The following MAML1 variants were observed in gnomAD, a reference collection of about 807,000 sequenced individuals.
MAML1 encodes mastermind like transcriptional coactivator 1, also known as mastermind-like protein 1.
In MAML1, 14 loss-of-function variants were observed where a neutral mutation model predicts 77.1. The ratio of observed to expected loss-of-function variants is 0.18; its 90% CI spans 0.12 to 0.28. The LOEUF (loss-of-function observed/expected upper bound fraction) is 0.28, where lower values mean the gene tolerates loss of function less well. Among genes scored for constraint, MAML1 ranks in the 10% least tolerant of loss-of-function variants. MAML1 has a pLI of 1.00. For missense variants in MAML1, 1,217 were observed against 1,327.8 expected (o/e 0.92, Z 1.30); for synonymous variants, 516 against 551.9 (o/e 0.93, Z 0.91).
intron 2 of MAML1, 68 bp from the exon 3 acceptor site, chr5:179,768,782 C>T (rs996533807): frequency 1.3e-5 from 20 of 1,571,718 alleles, no homozygotes; most frequent in Non-Finnish European, 1.6e-5. Flanking sequence ...ACCTTGAATT[C>T]ACTGGATGGA....
Position 179,775,844 on chromosome 5 carries a change from A to G in MAML1, c.*967A>G. ...TCCTTCCTCTCTGCAGCCCAAATGG[A>G]AAACAATTATTTACTCCATTGGAGG... On this transcript the variant is annotated 3_prime_UTR_variant, in exon 5 of 5. Transcript: ENST00000292599. 1 of 985,490 alleles carries G rather than the reference A, an allele frequency of 1.0e-6. No homozygotes were observed. Among genetic ancestry groups the G allele is most frequent in the South Asian group, 4.7e-5 (1 of 21,286 alleles). The allele number at this position is 985,490 out of a possible 1,614,324, so 61.0% of individuals were successfully genotyped here. A position where few individuals can be genotyped will look rare whatever the true frequency, so the allele number is the denominator to read the frequency against.
intron 1 of MAML1, among the ~76,000 whole-genome samples, chr5:179,745,058 C>T (rs574221765): frequency 2.6e-5 from 4 of 151,948 alleles, no homozygotes; most frequent in Admixed American, 6.6e-5. Context: ...CCTACCACCA[C>T]GCCCAGCTAA....
chr5:179,777,038 CTG>C lies in MAML1; in HGVS notation c.*2163_*2164del. The stretch of plus-strand genomic sequence containing the variant: ...ATGGAATAAGCGCTAGAGCTTCCAA[CTG>C]TATATTTTTTACTTTTATAGATTTT... On this transcript the variant is annotated 3_prime_UTR_variant, in exon 5 of 5. Coordinates refer to ENST00000292599, the MANE Select transcript of MAML1 (RefSeq NM_014757.5). 1 of 983,704 alleles carries C rather than the reference CTG, an allele frequency of 1.0e-6. No homozygotes were observed. Among genetic ancestry groups the C allele is most frequent in the Non-Finnish European group, 1.2e-6 (1 of 827,962 alleles). 60.9% of individuals were successfully genotyped at this position (983,704 alleles called of 1,614,324 possible). A position where few individuals can be genotyped will look rare whatever the true frequency, so the allele number is the denominator to read the frequency against.
intron 1 of MAML1, among the ~76,000 whole-genome samples, chr5:179,757,566 CA>C (rs1020375589): frequency 8.7e-4 from 122 of 140,616 alleles, no homozygotes; most frequent in Middle Eastern, 3.6e-3. Context: ...AGACTCCTCT[CA>C]AAAAAAAAAA....
In MAML1 at chr5:179,775,193, A is replaced by G. The variant is rs1222749327; in HGVS notation, c.*316A>G. 7.4e-6 allele frequency: 8 copies of G among 1,073,828 alleles called. No individual in the cohort carries two copies. The highest frequency in any genetic ancestry group is 9.0e-6 in the Non-Finnish European group (8 of 886,928). The allele number at this position is 1,073,828 out of a possible 1,614,324, so 66.5% of individuals were successfully genotyped here. On this transcript the variant is annotated 3_prime_UTR_variant, in exon 5 of 5. Coordinates refer to ENST00000292599, the MANE Select transcript of MAML1 (RefSeq NM_014757.5). ...AACAGTAACACCAGTGAAACCCCAC[A>G]CTGTCGGGCTTATAAAAATCTGTGC...
chr5:179,747,843 T>C (rs1185521186), intron 1 of MAML1, among the ~76,000 whole-genome samples: 1 of 137,272 alleles, frequency 7.3e-6, no homozygotes, highest in Non-Finnish European at 1.6e-5. Context: ...GGAAATACTG[T>C]TCTGTGCTGC....
chr5:179,766,629 T>C lies in MAML1; in HGVS notation c.1619T>C (p.Met540Thr). The change falls in exon 2 of 5, where the codon ATG (methionine) becomes ACG (threonine). Residue 540 changes from methionine (M) to threonine (T), a missense_variant. Around this residue, in one of 3 missense-constraint regions of MAML1, gnomAD observed 884 missense variants for 949.3 expected, o/e 0.93. Transcript: ENST00000292599. This position sits in a 1 kb window ranked among gnomAD's most constrained non-coding sequence, Gnocchi z 4.0. The part of the protein sequence containing the change: ...PGSGQSKPAL[M>T]AYLPQQLSHI... ...TCTGGCCAGAGCAAGCCAGCCCTGA[T>C]GGCTTATCTTCCCCAGCAGCTGTCC... The C allele has an allele frequency of 1.2e-6, 2 of 1,613,022 alleles. No individual in the cohort carries two copies. The highest frequency in any genetic ancestry group is 1.7e-6 in the Non-Finnish European group (2 of 1,179,254).
chr5:179,739,984 A>G (rs1779249883), intron 1 of MAML1, among the ~76,000 whole-genome samples: 1 of 152,206 alleles, frequency 6.6e-6, no homozygotes, highest in Non-Finnish European at 1.5e-5. Context: ...TATTTTTGTT[A>G]ACTTTGTTAT....
At chr5:179,757,314 TC>T (rs1375061963) in intron 1 of MAML1, among the ~76,000 whole-genome samples, 1 of 151,196 alleles carries the variant, frequency 6.6e-6, no homozygotes, top group Non-Finnish European at 1.5e-5. Flanking sequence ...ACACCTGTAA[TC>T]CCAGCACTTT....
At position 179,774,349 on chromosome 5, in the gene MAML1, T is replaced by C; in HGVS notation, c.2523T>C (p.His841=). Residue 841 remains histidine (H), a synonymous_variant, in exon 5 of 5, where the codon CAT becomes CAC. Transcript: ENST00000292599. ...AMGGQNSSWQ[H]QGMPNLSGQT... is the part of the protein sequence containing the mutation. Reference sequence around the variant, plus strand: ...GAGGCCAGAATTCCTCCTGGCAGCATCAGGGAATGCCGAACCTCAGTGGCC... The same window carrying C: ...GAGGCCAGAATTCCTCCTGGCAGCACCAGGGAATGCCGAACCTCAGTGGCC... The C allele has an allele frequency of 6.2e-7, 1 of 1,613,292 alleles. No homozygotes were observed.
rs1275156975 is a variant in MAML1, at chr5:179,776,525, G to A, written c.*1648G>A. On this transcript the variant is annotated 3_prime_UTR_variant, in exon 5 of 5. Coordinates refer to ENST00000292599, the MANE Select transcript of MAML1 (RefSeq NM_014757.5). The stretch of plus-strand genomic sequence containing the variant: ...AAAACACCTTCCCTACCTTTCCCAT[G>A]TACTCAGTTTAGCTCTCAAAGAAGG... 12 of 985,678 alleles carry A rather than the reference G, an allele frequency of 1.2e-5. No individual in the cohort carries two copies. Among genetic ancestry groups the A allele is most frequent in the Non-Finnish European group, 1.2e-5 (10 of 829,932 alleles). The allele number at this position is 985,678 out of a possible 1,614,324, so 61.1% of individuals were successfully genotyped here.
chr5:179,774,632 C>T lies in MAML1; in HGVS notation c.2806C>T (p.Pro936Ser). Residue 936 changes from proline (P) to serine (S), a missense_variant, in exon 5 of 5, where the codon CCT becomes TCT. Around this residue, in one of 3 missense-constraint regions of MAML1, gnomAD observed 884 missense variants for 949.3 expected, o/e 0.93. Transcript: ENST00000292599. Reference protein sequence around the residue: ...QGLPGLSPAGPELGAFSQSPA... With the variant: ...QGLPGLSPAGSELGAFSQSPA... ...CTTGCCTGGCCTGAGCCCAGCAGGG[C>T]CTGAGCTGGGGGCCTTCAGCCAGAG... 6.2e-7 allele frequency: 1 copy of T among 1,611,488 alleles called. No homozygotes were observed. The highest frequency in any genetic ancestry group is 8.5e-7 in the Non-Finnish European group (1 of 1,179,490).
At chr5:179,759,790 T>C (rs1373977552) in intron 1 of MAML1, among the ~76,000 whole-genome samples, 3 of 152,258 alleles carry the variant, frequency 2.0e-5, no homozygotes, top group Non-Finnish European at 4.4e-5. Context: ...GTGGAGTCCC[T>C]CTGACTCTGA....
At position 179,771,396 on chromosome 5, in the gene MAML1, T is replaced by C. The variant is rs538333331; in HGVS notation, c.2068+153T>C. Among the ~76,000 whole-genome samples the C allele has an allele frequency of 1.3e-3, 202 of 152,338 alleles. No individual in the cohort carries two copies. Among genetic ancestry groups the C allele is most frequent in the African/African-American group, 4.7e-3 (195 of 41,580 alleles). On this transcript the variant is annotated intron_variant, in intron 4 of 4. Transcript: ENST00000292599. The surrounding 1 kb of genome is among the most constrained non-coding windows in gnomAD (Gnocchi z 4.7). ...TCAGTTTGCCTAAGGGGCCTGGTTTTCTAGTTACTCCACGGCATCAGGAGA... is the reference window on the plus strand; with the variant it reads ...TCAGTTTGCCTAAGGGGCCTGGTTTCCTAGTTACTCCACGGCATCAGGAGA...
chr5:179,753,651 A>ATTT (rs372124056), intron 1 of MAML1, among the ~76,000 whole-genome samples: 1,939 of 65,210 alleles, frequency 0.03, 78 homozygotes, highest in Non-Finnish European at 0.035. Context: ...TATTATTATT[A>ATTT]TTATTTTTTT....
At chr5:179,757,179 A>T (rs564893522) in intron 1 of MAML1, among the ~76,000 whole-genome samples, 14 of 152,114 alleles carry the variant, frequency 9.2e-5, no homozygotes, top group Non-Finnish European at 1.6e-4. Context: ...GCCTGTACAG[A>T]GCAGTGTCTG....
At chr5:179,752,955 T>C (rs964708098) in intron 1 of MAML1, among the ~76,000 whole-genome samples, 14 of 152,212 alleles carry the variant, frequency 9.2e-5, no homozygotes, top group East Asian at 5.8e-4. Flanking sequence ...TGTATTTTAG[T>C]AGAGACAGGG....
chr5:179,773,059 A>G (rs1756038764), intron 4 of MAML1, among the ~76,000 whole-genome samples: 2 of 152,032 alleles, frequency 1.3e-5, no homozygotes, highest in African/African-American at 4.8e-5. Context: ...TAATTTTTGT[A>G]TTTTTAGTAG....
At chr5:179,752,860 A>G (rs561494807) in intron 1 of MAML1, among the ~76,000 whole-genome samples, 2 of 152,230 alleles carry the variant, frequency 1.3e-5, no homozygotes, top group African/African-American at 2.4e-5. Flanking sequence ...CGCAACCACC[A>G]TCTTCCAGAT....
Sources: gnomAD v4.1 joint callset for allele counts (sites outside exome capture counted in the v4.1 genomes callset) on GRCh38, gnomAD v4.1.1 for gene constraint, gnomAD v4.1.1 regional missense constraint, Gnocchi (gnomAD v3.1) non-coding constraint, MANE v1.5 for transcripts, NCBI Gene and HGNC (gene_info 2026-07-23, HGNC 2026-07-21) for gene names.